Variants in GNA14 observed in about 807,000 individuals in gnomAD.
The protein encoded by GNA14 is guanine nucleotide-binding protein subunit alpha-14.
GNA14 carries 50 observed loss-of-function variants against 42.0 expected under a neutral mutation model. The ratio of observed to expected loss-of-function variants is 1.19; its 90% CI spans 0.95 to 1.51. The LOEUF (loss-of-function observed/expected upper bound fraction) is 1.51. GNA14 is among the 40% of genes most tolerant of loss of function. The pLI is 0.00. For missense variants in GNA14, 473 were observed against 446.2 expected (o/e 1.06, Z -0.54); for synonymous variants, 173 against 163.1 (o/e 1.06, Z -0.46).
intron 2 of GNA14, among the ~76,000 whole-genome samples, chr9:77,464,374 TG>T (rs1475404090): frequency 6.6e-5 from 10 of 151,096 alleles, no homozygotes; most frequent in East Asian, 1.9e-4. Flanking sequence ...TGTGTGTGTG[TG>T]TGTGTGTGTG....
intron 1 of GNA14, among the ~76,000 whole-genome samples, chr9:77,605,128 G>T (rs916706791): frequency 6.6e-6 from 1 of 152,114 alleles, no homozygotes; most frequent in Non-Finnish European, 1.5e-5. Context: ...GAACTTTTTC[G>T]TTAAAAGATT....
intron 2 of GNA14, among the ~76,000 whole-genome samples, chr9:77,445,570 A>AAAAAAAAAAG (rs1835802997): frequency 6.6e-6 from 1 of 151,162 alleles, no homozygotes; most frequent in Non-Finnish European, 1.5e-5. Flanking sequence ...AAAAAAAAAA[A>AAAAAAAAAAG]AAAGAAAGGA....
In GNA14 at chr9:77,589,054, A is replaced by T. The variant is rs548736675; in HGVS notation, c.124+58616T>A. On this transcript the variant is annotated intron_variant, in intron 1 of 6. Transcript: ENST00000341700. ...TTTATTTATATTCCATTTCATACAG[A>T]CCCTTCAATGTATTTTTAAAAATCA... 2.0e-5 allele frequency among the ~76,000 whole-genome samples: 3 copies of T among 152,204 alleles called. No individual in the cohort carries two copies. The South Asian group carries it at 6.2e-4, about 32-fold the overall frequency.
At chr9:77,465,741 G>T (rs1436185407) in intron 2 of GNA14, among the ~76,000 whole-genome samples, 1 of 151,984 alleles carries the variant, frequency 6.6e-6, no homozygotes, top group Non-Finnish European at 1.5e-5. Context: ...AAGTAGGTGG[G>T]AACACGGGTG....
chr9:77,432,700 C>T (rs1309292277), intron 3 of GNA14, among the ~76,000 whole-genome samples: 1 of 152,162 alleles, frequency 6.6e-6, no homozygotes, highest in East Asian at 1.9e-4. Context: ...ACCACCCTAG[C>T]CACGCCCCTC....
chr9:77,486,616 G>C (rs1173349970), intron 2 of GNA14, among the ~76,000 whole-genome samples: 1 of 152,200 alleles, frequency 6.6e-6, no homozygotes, highest in Non-Finnish European at 1.5e-5. Context: ...TTTAAAGTGA[G>C]AGATGTGTGA....
chr9:77,483,448 G>A (rs1019894379), intron 2 of GNA14, among the ~76,000 whole-genome samples: 1 of 152,188 alleles, frequency 6.6e-6, no homozygotes. Flanking sequence ...TGTCAGAGGA[G>A]TACCCGGCCG....
intron 3 of GNA14, chr9:77,431,745 A>G (rs1196003384): frequency 3.6e-6 from 1 of 280,746 alleles, no homozygotes; most frequent in African/African-American, 2.1e-5. Flanking sequence ...CGAGGGAGAC[A>G]GTGGGGCTGG....
chr9:77,461,028 G>A (rs924269413), intron 2 of GNA14, among the ~76,000 whole-genome samples: 2 of 152,210 alleles, frequency 1.3e-5, no homozygotes, highest in African/African-American at 2.4e-5. Flanking sequence ...TTTATCTAAG[G>A]GAGACAGTTC....
At chr9:77,442,393 G>A (rs1320551908) in intron 2 of GNA14, among the ~76,000 whole-genome samples, 3 of 152,126 alleles carry the variant, frequency 2.0e-5, no homozygotes, top group African/African-American at 7.2e-5. Flanking sequence ...GAAAGCTAAT[G>A]CAATGATGCA....
chr9:77,469,785 G>A (rs1373366230), intron 2 of GNA14, among the ~76,000 whole-genome samples: 2 of 152,138 alleles, frequency 1.3e-5, no homozygotes, highest in Non-Finnish European at 2.9e-5. Flanking sequence ...GTTGGTTCTG[G>A]TTCACTCATC....
At chr9:77,439,765 C>A (rs1383267489) in intron 2 of GNA14, among the ~76,000 whole-genome samples, 2 of 152,180 alleles carry the variant, frequency 1.3e-5, no homozygotes, top group Non-Finnish European at 2.9e-5. Context: ...CTCTATGGCA[C>A]CTGCACTCTG....
Position 77,431,452 on chromosome 9 carries a change from G to C in GNA14, c.465-3C>G. 6.3e-7 allele frequency: 1 copy of C among 1,599,944 alleles called. No individual in the cohort carries two copies. On this transcript the variant is annotated splice_polypyrimidine_tract_variant and splice_region_variant and intron_variant, in intron 3 of 6. Transcript: ENST00000341700. ...TGCGGTCAATGTCAGTCAGGTAACT[G>C]TATATTAGAGAACGAGGAACTGACT...
chr9:77,484,797 G>T (rs1464690782), intron 2 of GNA14, among the ~76,000 whole-genome samples: 2 of 152,020 alleles, frequency 1.3e-5, no homozygotes, highest in East Asian at 3.8e-4. Context: ...CACAAATTTT[G>T]GTTTCCTAGT....
intron 1 of GNA14, among the ~76,000 whole-genome samples, chr9:77,561,809 T>C (rs1262769443): frequency 1.3e-5 from 2 of 152,236 alleles, no homozygotes; most frequent in Non-Finnish European, 1.5e-5. Flanking sequence ...CCTAGGAAGC[T>C]AGAAATTGAT....
At chr9:77,581,523 C>A (rs1823223586) in intron 1 of GNA14, among the ~76,000 whole-genome samples, 1 of 152,174 alleles carries the variant, frequency 6.6e-6, no homozygotes, top group African/African-American at 2.4e-5. Context: ...CACATGATTG[C>A]CCTGGATTCA....
At chr9:77,472,135 C>A (rs1458161198) in intron 2 of GNA14, among the ~76,000 whole-genome samples, 1 of 152,128 alleles carries the variant, frequency 6.6e-6, no homozygotes, top group Non-Finnish European at 1.5e-5. Flanking sequence ...TGTCACTAAG[C>A]CCCCAAAATG....
intron 1 of GNA14, among the ~76,000 whole-genome samples, chr9:77,589,056 C>G (rs372769975): frequency 2.0e-5 from 3 of 152,112 alleles, no homozygotes; most frequent in Non-Finnish European, 4.4e-5. Context: ...TCATACAGAC[C>G]CTTCAATGTA....
intron 1 of GNA14, among the ~76,000 whole-genome samples, chr9:77,644,126 T>C (rs1197029281): frequency 1.3e-5 from 2 of 152,028 alleles, no homozygotes; most frequent in Non-Finnish European, 2.9e-5. Flanking sequence ...GTGATTAGGA[T>C]AAAATGAGTG....
Sources: allele counts gnomAD v4.1 joint callset (sites outside exome capture counted in the v4.1 genomes callset), GRCh38; gene constraint gnomAD v4.1.1; transcripts MANE v1.5; gene names NCBI Gene and HGNC (gene_info 2026-07-23, HGNC 2026-07-21).